The following CDYL2 variants were observed in gnomAD, a reference collection of about 807,000 sequenced individuals.
CDYL2 encodes the protein chromodomain Y like 2, also known as chromodomain Y-like protein 2.
A neutral mutation model predicts 49.4 loss-of-function variants in CDYL2; 23 were observed. The ratio of observed to expected loss-of-function variants is 0.47; its 90% CI spans 0.34 to 0.66. The LOEUF (loss-of-function observed/expected upper bound fraction) is 0.66. Among genes scored for constraint, CDYL2 ranks in the 30% least tolerant of loss-of-function variants. The pLI is 0.01. For missense variants in CDYL2, 678 were observed against 656.4 expected (o/e 1.03, Z -0.36); for synonymous variants, 360 against 268.8 (o/e 1.34, Z -3.32).
intron 1 of CDYL2, among the ~76,000 whole-genome samples, chr16:80,739,829 G>A (rs1905673364): frequency 6.6e-6 from 1 of 152,196 alleles, no homozygotes; most frequent in Non-Finnish European, 1.5e-5. Context: ...GCCTCACACT[G>A]GGGACCTGCT....
chr16:80,627,848 T>C (rs946751872), intron 3 of CDYL2: 1 of 152,244 alleles, frequency 6.6e-6, no homozygotes, highest in Non-Finnish European at 1.5e-5. Context: ...ATTGCCCTCA[T>C]TATGCACTTC....
intron 2 of CDYL2, among the ~76,000 whole-genome samples, chr16:80,645,929 G>A (rs1289680002): frequency 2.3e-5 from 3 of 132,318 alleles, no homozygotes; most frequent in South Asian, 2.3e-4. Context: ...GGTGGGAATT[G>A]AACAATGAGA....
chr16:80,713,191 C>A (rs1240150498), intron 1 of CDYL2, among the ~76,000 whole-genome samples: 1 of 152,216 alleles, frequency 6.6e-6, no homozygotes, highest in African/African-American at 2.4e-5. Flanking sequence ...TGTGCAATGT[C>A]TGCTACACTG....
At chr16:80,788,129 C>T (rs77832220) in intron 1 of CDYL2, among the ~76,000 whole-genome samples, 243 of 152,296 alleles carry the variant, frequency 1.6e-3, no homozygotes, top group African/African-American at 5.5e-3. Context: ...CACTGAGGCT[C>T]ATAAATATGC....
intron 5 of CDYL2, among the ~76,000 whole-genome samples, chr16:80,611,658 G>T (rs1321884487): frequency 2.6e-5 from 4 of 152,188 alleles, no homozygotes; most frequent in African/African-American, 9.7e-5. Flanking sequence ...TCCCACAACT[G>T]GCACTACCAC....
chr16:80,768,564 A>C (rs1906804078), intron 1 of CDYL2, among the ~76,000 whole-genome samples: 1 of 152,200 alleles, frequency 6.6e-6, no homozygotes, highest in Non-Finnish European at 1.5e-5. Context: ...TGCATGGCAC[A>C]AGGCACGATC....
chr16:80,666,993 C>T (rs1909291684), intron 2 of CDYL2, among the ~76,000 whole-genome samples: 1 of 152,222 alleles, frequency 6.6e-6, no homozygotes, highest in Non-Finnish European at 1.5e-5. Context: ...CCCGAATAAT[C>T]AGTGTGACCA....
intron 1 of CDYL2, among the ~76,000 whole-genome samples, chr16:80,777,962 T>TA (rs148563316): frequency 0.17 from 26,119 of 150,938 alleles, 2,978 homozygotes; most frequent in Middle Eastern, 0.32. Flanking sequence ...AATACTAAAA[T>TA]AAAAAAAAAT....
chr16:80,708,526 G>C (rs1277317815), intron 1 of CDYL2, among the ~76,000 whole-genome samples: 1 of 152,138 alleles, frequency 6.6e-6, no homozygotes, highest in Non-Finnish European at 1.5e-5. Flanking sequence ...GCAGTTATGA[G>C]AATGAACGAA....
At chr16:80,605,347 T>C (rs553112083) in intron 6 of CDYL2, among the ~76,000 whole-genome samples, 58 of 148,336 alleles carry the variant, frequency 3.9e-4, no homozygotes, top group African/African-American at 1.4e-3. Context: ...CTATAATATA[T>C]ACATATTATA....
At chr16:80,606,076 C>G (rs1906318898) in intron 6 of CDYL2, among the ~76,000 whole-genome samples, 1 of 152,216 alleles carries the variant, frequency 6.6e-6, no homozygotes, top group South Asian at 2.1e-4. Flanking sequence ...CTGAAATGCC[C>G]TCAAACAGAA....
rs1430185027 is a variant in CDYL2 at position 80,633,215 on chromosome 16, C to T, written c.638G>A (p.Gly213Glu). The change falls in exon 3 of 7, where the codon GGA becomes GAA. Residue 213 changes from glycine to glutamate, a missense_variant. By Grantham distance (98) the Gly-to-Glu change is moderately conservative. This residue lies in a region of CDYL2 where 478 missense variants were observed against 427.0 expected (regional missense o/e 1.12). Coordinates refer to ENST00000570137, the MANE Select transcript of CDYL2 (RefSeq NM_152342.4). ...CTTCACTGGACTGTGCAGGTTCAAT[C>T]CCCCGTTGGTCAGAGCAGAGCCTTC... is the stretch of plus-strand genomic sequence containing the variant. ...NGLGSALTNG[G>E]LNLHSPVKRK... 2 of 1,613,990 alleles carry T rather than the reference C, an allele frequency of 1.2e-6. No individual in the cohort carries two copies. Among genetic ancestry groups the T allele is most frequent in the African/African-American group, 2.7e-5 (2 of 74,916 alleles).
intron 1 of CDYL2, among the ~76,000 whole-genome samples, chr16:80,720,129 G>C (rs1904949539): frequency 6.6e-6 from 1 of 152,198 alleles, no homozygotes; most frequent in African/African-American, 2.4e-5. Context: ...AAGAATTTGA[G>C]CCATCTCTCG....
At chr16:80,607,662 G>A (rs537072508) in intron 6 of CDYL2, among the ~76,000 whole-genome samples, 1 of 152,362 alleles carries the variant, frequency 6.6e-6, no homozygotes. Context: ...AATGTGACGA[G>A]CAGTCGGTGG....
chr16:80,651,247 CA>C (rs1908570310), intron 2 of CDYL2, among the ~76,000 whole-genome samples: 2 of 151,948 alleles, frequency 1.3e-5, no homozygotes, highest in East Asian at 3.9e-4. Flanking sequence ...TATGTAACCA[CA>C]AAAATTAAAA....
chr16:80,748,506 TAAAAAAAAAA>T (rs538432449), intron 1 of CDYL2, among the ~76,000 whole-genome samples: 263 of 19,122 alleles, frequency 0.014, 1 homozygote, highest in Middle Eastern at 0.029. Flanking sequence ...AAAACTCCAT[TAAAAAAAAAA>T]AAAAAAAAAA....
intron 1 of CDYL2, among the ~76,000 whole-genome samples, chr16:80,712,979 G>T (rs908508514): frequency 4.6e-5 from 7 of 152,170 alleles, no homozygotes; most frequent in African/African-American, 1.7e-4. Context: ...GCACACAGAT[G>T]TCCGAAGTCA....
chr16:80,658,187 G>A (rs570437598), intron 2 of CDYL2, among the ~76,000 whole-genome samples: 1 of 151,924 alleles, frequency 6.6e-6, no homozygotes, highest in Non-Finnish European at 1.5e-5. Flanking sequence ...GGAAAATTGA[G>A]TAAAAGGGAT....
At chr16:80,660,956 G>A (rs1321536849) in intron 2 of CDYL2, among the ~76,000 whole-genome samples, 1 of 152,170 alleles carries the variant, frequency 6.6e-6, no homozygotes, top group Non-Finnish European at 1.5e-5. Flanking sequence ...CTGAGCTAGG[G>A]GTAAGCTGTC....
Sources: allele counts gnomAD v4.1 joint callset (sites outside exome capture counted in the v4.1 genomes callset), GRCh38; gene constraint gnomAD v4.1.1; regional missense constraint gnomAD v4.1.1; transcripts MANE v1.5; gene names NCBI Gene and HGNC (gene_info 2026-07-23, HGNC 2026-07-21).